The following KIF11 variants were observed in gnomAD, a reference collection of about 807,000 sequenced individuals.
KIF11 encodes kinesin-like protein KIF11.
KIF11 carries 9 observed loss-of-function variants against 121.0 expected under a neutral mutation model. The ratio of observed to expected loss-of-function variants is 0.07; its 90% CI spans 0.04 to 0.13. The LOEUF (loss-of-function observed/expected upper bound fraction) is 0.13. Ranked by LOEUF, KIF11 falls within the 10% of genes least tolerant of loss-of-function variation. The probability of loss-of-function intolerance (pLI) is 1.00; values close to 1 mark genes in which losing one functional copy is unlikely to be tolerated. For synonymous variants in KIF11, 408 were observed against 421.0 expected (o/e 0.97, Z 0.38); for missense variants, 846 against 1,217.5 (o/e 0.69, Z 4.54).
In KIF11 at chr10:92,645,991, G is replaced by A. The variant is rs554359332; in HGVS notation, c.2547+349G>A. 8.3e-5 allele frequency among the ~76,000 whole-genome samples: 10 copies of A among 120,910 alleles called. No individual in the cohort carries two copies. The East Asian group carries it at 2.3e-3, about 28-fold the overall frequency. 79.3% of individuals were successfully genotyped at this position (120,910 alleles called of 152,430 possible). ...TTTTGAGATGGAGTCTCACTCTGTT[G>A]CCCAGGCTGGAGTGCAATGGCACGA... is the stretch of plus-strand genomic sequence containing the variant. On this transcript the variant is annotated intron_variant, in intron 18 of 21. Transcript: ENST00000260731.
In KIF11 at chr10:92,621,596, T is replaced by TTGTGTGTGTGTGTGTGTG. The variant is rs374159901; in HGVS notation, c.1217+138_1217+139insGTGTGTGTGTGTGTGTGT. The TTGTGTGTGTGTGTGTGTG allele has an allele frequency of 1.5e-3, 894 of 595,704 alleles. 7 individuals are homozygous for TTGTGTGTGTGTGTGTGTG. The highest frequency in any genetic ancestry group is 4.5e-3 in the African/African-American group (227 of 51,008). The allele number at this position is 595,704 out of a possible 1,614,324, so 36.9% of individuals were successfully genotyped here. A position where few individuals can be genotyped will look rare whatever the true frequency, so the allele number is the denominator to read the frequency against. On this transcript the variant is annotated intron_variant, in intron 10 of 21. Transcript: ENST00000260731. The stretch of plus-strand genomic sequence containing the variant: ...ATCCAGTGCCGATAAATACTTCATT[T>TTGTGTGTGTGTGTGTGTG]TGTGTGTGTGTGTGTTTTCTTTTGA...
At chr10:92,612,073 C>A (rs1589593222) in intron 6 of KIF11, among the ~76,000 whole-genome samples, 1 of 144,060 alleles carries the variant, frequency 6.9e-6, no homozygotes, top group East Asian at 1.9e-4. Flanking sequence ...ATTTTTTTTC[C>A]CCCTAAGATA....
In KIF11 at chr10:92,651,961, C is replaced by CTT. The variant is rs36000362; in HGVS notation, c.3039+1465_3039+1466dup. On this transcript the variant is annotated intron_variant, in intron 21 of 21. Coordinates refer to ENST00000260731, the MANE Select transcript of KIF11 (RefSeq NM_004523.4). The stretch of plus-strand genomic sequence containing the variant: ...ACTTCTGAGATGCATATGCTTGTAC[C>CTT]TTTTTTTTTTTTTTTTTTTTTTAAA... Among the ~76,000 whole-genome samples the CTT allele has an allele frequency of 2.3e-3, 236 of 102,536 alleles. 2 individuals are homozygous for CTT. The highest frequency in any genetic ancestry group is 7.6e-3 in the South Asian group (19 of 2,516). The allele number at this position is 102,536 out of a possible 152,430, so 67.3% of individuals were successfully genotyped here.
intron 12 of KIF11, 34 bp downstream of exon 12, chr10:92,630,398 A>G: frequency 7.3e-7 from 1 of 1,367,938 alleles, no homozygotes; most frequent in Non-Finnish European, 9.7e-7. Flanking sequence ...ACTCATATTA[A>G]GTAGAGAATG....
At chr10:92,650,744 G>C (rs1422449846) in intron 21 of KIF11, among the ~76,000 whole-genome samples, 1 of 152,086 alleles carries the variant, frequency 6.6e-6, no homozygotes, top group Non-Finnish European at 1.5e-5. Flanking sequence ...ATCCTTAGCT[G>C]ATAATCTTTA....
intron 19 of KIF11, 67 bp from the exon 20 acceptor site, chr10:92,649,768 T>A (rs1350099351): frequency 1.8e-6 from 2 of 1,085,744 alleles, no homozygotes; most frequent in African/African-American, 3.2e-5. Flanking sequence ...TAGGAAGTTT[T>A]AGGTTTTTTT....
At chr10:92,644,723 T>C (rs552752399) in intron 17 of KIF11, among the ~76,000 whole-genome samples, 4 of 152,230 alleles carry the variant, frequency 2.6e-5, no homozygotes, top group African/African-American at 9.6e-5. Flanking sequence ...TAATAGAGAG[T>C]CACTTCATTC....
rs764484128 is a variant in KIF11, at chr10:92,650,373, T to TA, written c.2923-27dup. On this transcript the variant is annotated intron_variant, in intron 20 of 21. Transcript: ENST00000260731. ...GTGATGACTTTTAAGCCCTTGGACT[T>TA]AGTCACTCATCCAGTTTCTTCTTTT... 6 of 1,319,968 alleles carry TA rather than the reference T, an allele frequency of 4.5e-6. No individual in the cohort carries two copies. In the South Asian group the frequency reaches 4.7e-5, roughly 10 times the overall value. 81.8% of individuals were successfully genotyped at this position (1,319,968 alleles called of 1,614,324 possible).
chr10:92,648,876 A>G (rs1844950001), intron 19 of KIF11, among the ~76,000 whole-genome samples: 1 of 152,204 alleles, frequency 6.6e-6, no homozygotes, highest in Non-Finnish European at 1.5e-5. Flanking sequence ...AGGGATCACC[A>G]TGGACCATTA....
Position 92,645,590 on chromosome 10 carries a change from A to G in KIF11, c.2495A>G (p.Gln832Arg). Residue 832 changes from glutamine to arginine, a missense_variant, in exon 18 of 22, where the codon CAG (glutamine) becomes CGG (arginine). Around this residue, in one of 5 missense-constraint regions of KIF11, gnomAD observed 492 missense variants for 603.4 expected, o/e 0.82. Coordinates refer to ENST00000260731, the MANE Select transcript of KIF11 (RefSeq NM_004523.4). The stretch of plus-strand genomic sequence containing the variant: ...ACAAGAACAGTTTATTTTTCTGAAC[A>G]GTGGGTATCTTCCTTAAATGAAAGG... ...LNTRTVYFSE[Q>R]WVSSLNEREQ... The G allele has an allele frequency of 6.2e-7, 1 of 1,612,144 alleles. No individual in the cohort carries two copies. Among genetic ancestry groups the G allele is most frequent in the Non-Finnish European group, 8.5e-7 (1 of 1,179,138 alleles).
At chr10:92,608,715 G>A (rs145568016) in intron 4 of KIF11, among the ~76,000 whole-genome samples, 87 of 152,290 alleles carry the variant, frequency 5.7e-4, no homozygotes, top group African/African-American at 1.9e-3. Context: ...GGGATTATAG[G>A]CGTGAGCCAC....
In KIF11 at chr10:92,616,223, T is replaced by G. The variant is rs187671233; in HGVS notation, c.1033-514T>G. 2.0e-5 allele frequency among the ~76,000 whole-genome samples: 3 copies of G among 151,904 alleles called. No individual in the cohort carries two copies. In the East Asian group the frequency reaches 5.8e-4, roughly 29 times the overall value. On this transcript the variant is annotated intron_variant, in intron 8 of 21. Transcript: ENST00000260731. ...TTTTGTTTTGTTTTTTTGTTTTTTT[T>G]TTTTGAGACAAGGTCCCTCTCTGTT...
At chr10:92,651,526 T>C (rs1441257160) in intron 21 of KIF11, among the ~76,000 whole-genome samples, 13 of 105,320 alleles carry the variant, frequency 1.2e-4, no homozygotes, top group East Asian at 1.0e-3. Context: ...TTTTTTTTTT[T>C]TTTTTTTTTT....
intron 21 of KIF11, 85 bp from the exon 22 acceptor site, chr10:92,653,580 C>T (rs1845011316): frequency 6.0e-6 from 8 of 1,322,314 alleles, no homozygotes; most frequent in Non-Finnish European, 8.3e-6. Context: ...TGCCTATAAC[C>T]CAGAGAACTT....
intron 8 of KIF11, among the ~76,000 whole-genome samples, chr10:92,614,846 T>C (rs11187097): frequency 0.09 from 13,704 of 152,218 alleles, 741 homozygotes; most frequent in Non-Finnish European, 0.12. Flanking sequence ...TACAGTAGCA[T>C]GATCATGGCT....
chr10:92,648,122 A>T, intron 18 of KIF11, 90 bp from the exon 19 acceptor site: 6 of 921,632 alleles, frequency 6.5e-6, no homozygotes, highest in Non-Finnish European at 9.6e-6. Flanking sequence ...AAAAAAAAAA[A>T]TTATGGAAAA....
At chr10:92,594,828 C>A (rs555995996) in intron 1 of KIF11, among the ~76,000 whole-genome samples, 11 of 152,016 alleles carry the variant, frequency 7.2e-5, no homozygotes, top group Admixed American at 2.0e-4. Context: ...TAGAATAGTT[C>A]TTTGCTTGTG....
chr10:92,637,049 A>G, intron 14 of KIF11, 135 bp from the exon 15 acceptor site: 1 of 748,520 alleles, frequency 1.3e-6, no homozygotes, highest in Non-Finnish European at 2.0e-6. Flanking sequence ...AAAAAAAAAA[A>G]AAAAGAATGG....
At chr10:92,608,232 C>G (rs962775089) in intron 4 of KIF11, among the ~76,000 whole-genome samples, 2 of 151,218 alleles carry the variant, frequency 1.3e-5, no homozygotes, top group East Asian at 1.9e-4. Flanking sequence ...CCACTTCAGC[C>G]TCCTGAGTAG....
Sources: gnomAD v4.1 joint callset for allele counts (sites outside exome capture counted in the v4.1 genomes callset) on GRCh38, gnomAD v4.1.1 for gene constraint, gnomAD v4.1.1 regional missense constraint, MANE v1.5 for transcripts, NCBI Gene and HGNC (gene_info 2026-07-23, HGNC 2026-07-21) for gene names.